The following CR1L variants were observed in gnomAD, a reference collection of about 807,000 sequenced individuals.
CR1L encodes complement component receptor 1-like protein.
Under a neutral mutation model 62.3 loss-of-function variants are expected in CR1L, and 59 were observed. That is an observed-to-expected ratio of 0.95 (90% CI 0.77 to 1.18). The LOEUF (loss-of-function observed/expected upper bound fraction) is 1.18, where lower values mean the gene tolerates loss of function less well. CR1L is among the 50% of genes most tolerant of loss of function. The pLI is 0.00. For missense variants in CR1L, 700 were observed against 702.8 expected, an observed-to-expected ratio of 1.00 and a Z score of 0.04; for synonymous variants, 279 against 248.7, an observed-to-expected ratio of 1.12 and a Z score of -1.15.
At chr1:207,709,524 T>C (rs530181935) in intron 10 of CR1L, among the ~76,000 whole-genome samples, 7 of 152,304 alleles carry the variant, frequency 4.6e-5, no homozygotes, top group African/African-American at 1.4e-4. Context: ...AAATTCTCAT[T>C]TAGCAGGAGA....
chr1:207,694,696 T>C lies in CR1L; in HGVS notation c.807T>C (p.His269=), dbSNP rs1166081584. The C allele has an allele frequency of 3.7e-6, 6 of 1,611,760 alleles. No individual in the cohort carries two copies. Among genetic ancestry groups the C allele is most frequent in the Non-Finnish European group, 5.1e-6 (6 of 1,179,724 alleles). The stretch of plus-strand genomic sequence containing the variant: ...GCTTTGGCATGAAAGGGCCCTCCCA[T>C]GTGAAGTGCCAGGCCCTGAACAAAT... ...QPGFGMKGPS[H]VKCQALNKWE... Residue 269 remains histidine, a synonymous_variant, in exon 5 of 12, where the codon CAT becomes CAC. Transcript: ENST00000508064.
At chr1:207,667,741 A>G (rs1268080700) in intron 1 of CR1L, among the ~76,000 whole-genome samples, 1 of 144,132 alleles carries the variant, frequency 6.9e-6, no homozygotes, top group Admixed American at 6.7e-5. Context: ...AAACCTACAG[A>G]ATGTGAGAAA....
chr1:207,666,706 T>C (rs1571648406), intron 1 of CR1L, among the ~76,000 whole-genome samples: 1 of 151,932 alleles, frequency 6.6e-6, no homozygotes, highest in African/African-American at 2.4e-5. Context: ...TATTGGAGGG[T>C]AGAGGATAGG....
In CR1L at chr1:207,703,084, T is replaced by A. The variant is rs552497688; in HGVS notation, c.1328+1466T>A. Among the ~76,000 whole-genome samples, 17 of 152,164 alleles carry A rather than the reference T, an allele frequency of 1.1e-4. No homozygotes were observed. In the East Asian group the frequency reaches 2.9e-3, roughly 26 times the overall value. ...TCCTGAGGTTTAAGGAAAGAAGTCATCTCCATAACATAAAGGTGCAAGGTG... is the reference window on the plus strand; with the variant it reads ...TCCTGAGGTTTAAGGAAAGAAGTCAACTCCATAACATAAAGGTGCAAGGTG... On this transcript the variant is annotated intron_variant, in intron 9 of 11. Coordinates refer to ENST00000508064, the MANE Select transcript of CR1L (RefSeq NM_175710.2).
chr1:207,701,624 T>C lies in CR1L; in HGVS notation c.1328+6T>C. The C allele has an allele frequency of 1.2e-6, 2 of 1,613,576 alleles. No homozygotes were observed. The highest frequency in any genetic ancestry group is 1.7e-6 in the Non-Finnish European group (2 of 1,179,622). On this transcript the variant is annotated splice_donor_region_variant and intron_variant, in intron 9 of 11. Transcript: ENST00000508064. ...AACTATTCTTGTACTACAGGGTGAG[T>C]TGGCAGCAACATCTCTTGGTTCCAG...
intron 1 of CR1L, chr1:207,652,829 T>A (rs1571641846): frequency 2.0e-6 from 1 of 502,514 alleles, no homozygotes; most frequent in East Asian, 3.5e-5. Context: ...ATGATGATTT[T>A]TTTTTCTTGT....
At chr1:207,647,705 T>G (rs1048134559) in intron 1 of CR1L, among the ~76,000 whole-genome samples, 2 of 152,112 alleles carry the variant, frequency 1.3e-5, no homozygotes, top group Admixed American at 1.3e-4. Context: ...AGAGCTATGC[T>G]CAGGATGGTC....
chr1:207,649,510 C>A (rs117612834), intron 1 of CR1L, among the ~76,000 whole-genome samples: 1 of 152,202 alleles, frequency 6.6e-6, no homozygotes, highest in East Asian at 1.9e-4. Context: ...TTTAATTTCC[C>A]GAGACACAGT....
chr1:207,672,795 G>T (rs1663633344), intron 1 of CR1L, among the ~76,000 whole-genome samples: 1 of 152,048 alleles, frequency 6.6e-6, no homozygotes, highest in Non-Finnish European at 1.5e-5. Flanking sequence ...TAGAAAGAAG[G>T]GTAATTCCAA....
chr1:207,669,940 C>CCTGA lies in CR1L; in HGVS notation c.98-7448_98-7445dup, dbSNP rs1321192464. Among the ~76,000 whole-genome samples, 12 of 151,244 alleles carry CCTGA rather than the reference C, an allele frequency of 7.9e-5. 1 individual carries two copies. In the South Asian group the frequency reaches 2.5e-3, roughly 31 times the overall value. On this transcript the variant is annotated intron_variant, in intron 1 of 11. Transcript: ENST00000508064. ...AAACGGGACTTGGGGATCCGACAAA[C>CCTGA]CTGAGTTCTGGTCCTAGAAACTTAA...
At chr1:207,718,633 G>A (rs915164435) in intron 11 of CR1L, among the ~76,000 whole-genome samples, 4 of 152,096 alleles carry the variant, frequency 2.6e-5, no homozygotes, top group South Asian at 2.1e-4. Context: ...ATGTTGGCCC[G>A]GCTGGTCTCT....
intron 1 of CR1L, among the ~76,000 whole-genome samples, chr1:207,675,887 T>C (rs968464929): frequency 1.3e-5 from 2 of 152,198 alleles, no homozygotes; most frequent in East Asian, 1.9e-4. Flanking sequence ...ATACGTCTTC[T>C]TTATGGTAAA....
At chr1:207,700,778 G>T (rs1024252996) in intron 8 of CR1L, among the ~76,000 whole-genome samples, 1 of 152,194 alleles carries the variant, frequency 6.6e-6, no homozygotes, top group East Asian at 1.9e-4. Flanking sequence ...TCAGCACTGT[G>T]TCCCCAGGAT....
At chr1:207,671,777 T>C (rs6683750) in intron 1 of CR1L, among the ~76,000 whole-genome samples, 64,680 of 149,882 alleles carry the variant, frequency 0.43, 14,894 homozygotes, top group Non-Finnish European at 0.46. Flanking sequence ...AAAAATTAGC[T>C]GGGCATGATG....
At chr1:207,699,993 A>C (rs904795672) in intron 8 of CR1L, among the ~76,000 whole-genome samples, 2 of 152,220 alleles carry the variant, frequency 1.3e-5, no homozygotes, top group Non-Finnish European at 1.5e-5. Context: ...TATGTACCTA[A>C]ATAATTTATG....
chr1:207,674,765 A>G (rs1571512590), intron 1 of CR1L, among the ~76,000 whole-genome samples: 1 of 152,212 alleles, frequency 6.6e-6, no homozygotes, highest in Non-Finnish European at 1.5e-5. Flanking sequence ...GTCTAGCATC[A>G]ATGCATAAGA....
At position 207,694,441 on chromosome 1, in the gene CR1L, C is replaced by G; in HGVS notation, c.552C>G (p.Thr184=). The change falls in exon 5 of 12, where the codon ACC becomes ACG. Residue 184 remains threonine, a synonymous_variant. Transcript: ENST00000508064. ...REYFHYGSVV[T]YHCNLGSRGK... The stretch of plus-strand genomic sequence containing the variant: ...ATTTTCACTATGGATCAGTGGTGAC[C>G]TACCACTGCAATCTTGGAAGCAGAG... 1 of 1,613,976 alleles carries G rather than the reference C, an allele frequency of 6.2e-7. No homozygotes were observed. Among genetic ancestry groups the G allele is most frequent in the Non-Finnish European group, 8.5e-7 (1 of 1,179,892 alleles).
At chr1:207,659,650 G>T (rs946944662) in intron 1 of CR1L, among the ~76,000 whole-genome samples, 49 of 152,208 alleles carry the variant, frequency 3.2e-4, no homozygotes, top group African/African-American at 1.1e-3. Flanking sequence ...CACTGGGACT[G>T]GTTGGACAGT....
At chr1:207,693,125 GTATT>G (rs1664021822) in intron 4 of CR1L, among the ~76,000 whole-genome samples, 2 of 152,086 alleles carry the variant, frequency 1.3e-5, no homozygotes, top group African/African-American at 4.8e-5. Flanking sequence ...GTCTAGGTAA[GTATT>G]TCTTTGTATT....
Sources: gnomAD v4.1 joint callset for allele counts (sites outside exome capture counted in the v4.1 genomes callset) on GRCh38, gnomAD v4.1.1 for gene constraint, MANE v1.5 for transcripts, NCBI Gene and HGNC (gene_info 2026-07-23, HGNC 2026-07-21) for gene names.